The following ZNF680 variants were observed in gnomAD, a reference collection of about 807,000 sequenced individuals.
ZNF680 encodes the protein hypothetical protein FLJ90430.
Under a neutral mutation model 12.1 loss-of-function variants are expected in ZNF680, and 6 were observed. That is an observed-to-expected ratio of 0.49 (90% CI 0.27 to 0.98). The LOEUF (loss-of-function observed/expected upper bound fraction) is 0.98, where lower values mean the gene tolerates loss of function less well. ZNF680 is among the 50% of genes least tolerant of loss of function. The pLI is 0.12. For synonymous variants in ZNF680, 170 were observed against 199.3 expected (o/e 0.85, Z 1.24); for missense variants, 561 against 616.3 (o/e 0.91, Z 0.95).
intron 3 of ZNF680, among the ~76,000 whole-genome samples, chr7:64,534,389 T>C (rs549846104): frequency 6.6e-6 from 1 of 152,098 alleles, no homozygotes; most frequent in South Asian, 2.1e-4. Context: ...GATATACAAA[T>C]GGCCAACAAA....
downstream of ZNF680, among the ~76,000 whole-genome samples, chr7:64,519,316 C>T (rs953508668): frequency 1.1e-4 from 16 of 151,532 alleles, no homozygotes; most frequent in Non-Finnish European, 2.1e-4. Flanking sequence ...CAAGAATGGC[C>T]ATAATTAAAA....
At chr7:64,516,805 CA>C (rs1227786177), downstream of ZNF680, among the ~76,000 whole-genome samples, 4 of 151,978 alleles carry the variant, frequency 2.6e-5, no homozygotes, top group Non-Finnish European at 5.9e-5. Context: ...TGAAAGTTAA[CA>C]ACAAAAACCT....
chr7:64,523,184 T>C (rs981066653), intron 3 of ZNF680, among the ~76,000 whole-genome samples: 2 of 152,018 alleles, frequency 1.3e-5, no homozygotes, highest in African/African-American at 4.8e-5. Context: ...GATAAAGTCA[T>C]AGAAAGTATT....
rs1786370780 is a variant in ZNF680 at position 64,539,371 on chromosome 7, A to AAAAAAAAAAAAAAAAAAAAAAAAC, written c.253+4335_253+4336insGTTTTTTTTTTTTTTTTTTTTTTT. Among the ~76,000 whole-genome samples, 3 of 74,244 alleles carry AAAAAAAAAAAAAAAAAAAAAAAAC rather than the reference A, an allele frequency of 4.0e-5. 1 individual carries two copies. Among genetic ancestry groups the AAAAAAAAAAAAAAAAAAAAAAAAC allele is most frequent in the African/African-American group, 1.2e-4 (2 of 16,854 alleles). 48.7% of individuals were successfully genotyped at this position (74,244 alleles called of 152,430 possible). A position where few individuals can be genotyped will look rare whatever the true frequency, so the allele number is the denominator to read the frequency against. On this transcript the variant is annotated intron_variant, in intron 3 of 3. Transcript: ENST00000309683. ...CGTCTCAAAAAAAAAAAAAAAAAAA[A>AAAAAAAAAAAAAAAAAAAAAAAAC]AAAAGAAAAGAAAATCTTGTCCCAT...
chr7:64,539,907 C>T (rs1173245895), intron 3 of ZNF680, among the ~76,000 whole-genome samples: 2 of 152,046 alleles, frequency 1.3e-5, no homozygotes, highest in Non-Finnish European at 2.9e-5. Context: ...CTTGGCCTCT[C>T]AAAATCCCTG....
At chr7:64,519,550 ATG>A (rs1791428576), downstream of ZNF680, among the ~76,000 whole-genome samples, 1 of 151,816 alleles carries the variant, frequency 6.6e-6, no homozygotes, top group South Asian at 2.1e-4. Flanking sequence ...TTTATAGTCT[ATG>A]TGCCTATTTG....
the ZNF680 span, among the ~76,000 whole-genome samples, chr7:64,503,011 A>G: frequency 6.6e-6 from 1 of 152,038 alleles, no homozygotes; most frequent in Non-Finnish European, 1.5e-5. Flanking sequence ...ATTCCAATTC[A>G]CTATCAGTGT....
chr7:64,543,751 T>G lies in ZNF680; in HGVS notation c.209A>C (p.Glu70Ala), dbSNP rs767422822. 5 of 1,613,656 alleles carry G rather than the reference T, an allele frequency of 3.1e-6. No individual in the cohort carries two copies. The East Asian group carries it at 6.7e-5, about 22-fold the overall frequency. ...CTCCTGTCTCTTCCTATTCCAGGGCTCTTTTCCTTGCTCCAAACAGGTTAT... is the reference window on the plus strand; with the variant it reads ...CTCCTGTCTCTTCCTATTCCAGGGCGCTTTTCCTTGCTCCAAACAGGTTAT... ...HLITCLEQGKEPWNRKRQEMV... is the reference protein window; with the variant it reads ...HLITCLEQGKAPWNRKRQEMV... The change falls in exon 3 of 4, where the codon GAG (glutamate) becomes GCG (alanine). Residue 70 changes from glutamate to alanine, a missense_variant. Physicochemically the swap from Glu to Ala is moderately radical, Grantham distance 107. Transcript: ENST00000309683.
chr7:64,557,720 C>T (rs113452220), intron 1 of ZNF680, among the ~76,000 whole-genome samples: 34,313 of 152,070 alleles, frequency 0.23, 4,062 homozygotes, highest in South Asian at 0.28. Flanking sequence ...AAACCCCTGT[C>T]TCTACTAAGA....
At chr7:64,539,371 AAAAAG>A (rs1362210780) in intron 3 of ZNF680, among the ~76,000 whole-genome samples, 7,090 of 71,388 alleles carry the variant, frequency 0.099, 153 homozygotes, top group African/African-American at 0.14. Flanking sequence ...AAAAAAAAAA[AAAAAG>A]AAAAGAAAAT....
chr7:64,521,495 C>G lies in ZNF680; in HGVS notation c.1259G>C (p.Ser420Thr), dbSNP rs769575455. 48 of 1,607,488 alleles carry G rather than the reference C, an allele frequency of 3.0e-5. No homozygotes were observed. Among genetic ancestry groups the G allele is most frequent in the Non-Finnish European group, 3.9e-5 (46 of 1,178,100 alleles). ...ECGKAFNGCS[S>T]LTRHKRIHTR... The stretch of plus-strand genomic sequence containing the variant: ...GTGAATTCTCTTATGTCGAGTAAGG[C>G]TGGAGCACCCATTAAAAGCTTTGCC... The change falls in exon 4 of 4, where the codon AGC becomes ACC. Residue 420 changes from serine (S) to threonine (T), a missense_variant. Coordinates refer to ENST00000309683, the MANE Select transcript of ZNF680 (RefSeq NM_178558.5).
intron 1 of ZNF680, among the ~76,000 whole-genome samples, chr7:64,557,555 AAAAAAAC>A (rs972018183): frequency 1.6e-4 from 6 of 38,608 alleles, no homozygotes; most frequent in African/African-American, 6.0e-4. Flanking sequence ...GGTCCGTCTC[AAAAAAAC>A]AAAAAAACAA....
chr7:64,541,793 T>G (rs1053872263), intron 3 of ZNF680, among the ~76,000 whole-genome samples: 2 of 152,188 alleles, frequency 1.3e-5, no homozygotes, highest in Non-Finnish European at 2.9e-5. Context: ...TCCAGAGGCC[T>G]GGAGGAAGAC....
chr7:64,550,015 A>C (rs1345739569), intron 1 of ZNF680, among the ~76,000 whole-genome samples: 4 of 152,204 alleles, frequency 2.6e-5, no homozygotes, highest in Admixed American at 2.6e-4. Flanking sequence ...CTGAGGCAAC[A>C]TGAATATAAG....
downstream of ZNF680, among the ~76,000 whole-genome samples, chr7:64,519,091 T>A (rs748910467): frequency 2.0e-5 from 3 of 151,904 alleles, no homozygotes; most frequent in Non-Finnish European, 4.4e-5. Context: ...AATCTATACA[T>A]CTGTCAAAGG....
rs182038709 is a variant in ZNF680 at position 64,520,811 on chromosome 7, G to C, written c.*350C>G. ...TTATGTTTGTCTTCAAAATAAACAC[G>C]CTTCTTCACTTTAAAGTGTTATGTT... is the stretch of plus-strand genomic sequence containing the variant. On this transcript the variant is annotated 3_prime_UTR_variant, in exon 4 of 4. Coordinates refer to ENST00000309683, the MANE Select transcript of ZNF680 (RefSeq NM_178558.5). The C allele has an allele frequency of 6.3e-4, 117 of 185,762 alleles. No individual in the cohort carries two copies. The highest frequency in any genetic ancestry group is 2.6e-3 in the African/African-American group (109 of 41,950). The allele number at this position is 185,762 out of a possible 1,614,324, so 11.5% of individuals were successfully genotyped here.
intron 3 of ZNF680, among the ~76,000 whole-genome samples, chr7:64,529,154 C>T (rs898383100): frequency 1.3e-5 from 2 of 152,158 alleles, no homozygotes. Flanking sequence ...ACAAAAGAAT[C>T]TGAAAAACAG....
chr7:64,511,749 A>T, the ZNF680 span, among the ~76,000 whole-genome samples: 1 of 10,928 alleles, frequency 9.2e-5, no homozygotes, highest in Non-Finnish European at 1.5e-4. Flanking sequence ...TTAATTAATA[A>T]AAAAAAAAAT....
At chr7:64,544,455 C>T in intron 1 of ZNF680, 23 bp from the exon 2 acceptor site, 4 of 1,584,502 alleles carry the variant, frequency 2.5e-6, no homozygotes, top group Non-Finnish European at 3.4e-6. Flanking sequence ...CACACACACA[C>T]ACACACACAC....
Sources: gnomAD v4.1 joint callset for allele counts (sites outside exome capture counted in the v4.1 genomes callset) on GRCh38, gnomAD v4.1.1 for gene constraint, MANE v1.5 for transcripts, NCBI Gene and HGNC (gene_info 2026-07-23, HGNC 2026-07-21) for gene names.